DIAPH2: variants seen among roughly 807,000 people sequenced by gnomAD.
The protein encoded by DIAPH2 is diaphanous related formin 2, also known as protein diaphanous homolog 2.
Under a neutral mutation model 92.7 loss-of-function variants are expected in DIAPH2, and 35 were observed. The ratio of observed to expected loss-of-function variants is 0.38; its 90% confidence interval spans 0.29 to 0.50. The LOEUF is 0.50. Among genes scored for constraint, DIAPH2 ranks in the 20% least tolerant of loss-of-function variants. DIAPH2 has a pLI of 0.94. For missense variants in DIAPH2, 701 were observed against 819.5 expected (o/e 0.86, Z 1.77); for synonymous variants, 301 against 280.4 (o/e 1.07, Z -0.73).
intron 12 of DIAPH2, among the ~76,000 whole-genome samples, chrX:96,939,601 TACACACACACACACATATACAC>T (rs1172978734): frequency 3.2e-5 from 2 of 62,219 alleles, no homozygotes; most frequent in African/African-American, 1.1e-4. Context: ...TGTGTGTATA[TACACACACACACACATATACAC>T]ACACACACAC....
intron 17 of DIAPH2, among the ~76,000 whole-genome samples, chrX:96,970,906 C>T (rs962709728): frequency 9.0e-6 from 1 of 111,519 alleles, no homozygotes; most frequent in Non-Finnish European, 1.9e-5. Flanking sequence ...ACTGCTTTTG[C>T]TGCATCCTCA....
intron 4 of DIAPH2, among the ~76,000 whole-genome samples, chrX:96,787,734 AGACTG>A (rs1363075245): frequency 1.1e-5 from 1 of 89,686 alleles, no homozygotes; most frequent in Non-Finnish European, 2.1e-5. Flanking sequence ...TCTGTCCCTC[AGACTG>A]GAGTACAGTG....
chrX:97,141,138 A>AT (rs141869977), intron 21 of DIAPH2, among the ~76,000 whole-genome samples: 46,214 of 108,729 alleles, frequency 0.43, 8,331 homozygotes, highest in Non-Finnish European at 0.56. Context: ...GTATGGTGAG[A>AT]TTTTTTTTAA....
intron 12 of DIAPH2, 116 bp downstream of exon 12, chrX:96,939,498 ATG>A (rs758864967): frequency 6.4e-4 from 38 of 59,475 alleles, no homozygotes; most frequent in African/African-American, 1.9e-3. Flanking sequence ...GTATATATAT[ATG>A]TATATATATA....
chrX:96,870,437 ATTTTTTTTT>A (rs10600564), intron 4 of DIAPH2, among the ~76,000 whole-genome samples: 1 of 79,691 alleles, frequency 1.3e-5, no homozygotes, highest in Non-Finnish European at 2.5e-5. Flanking sequence ...AATTTTTTGT[ATTTTTTTTT>A]TTTTTTTTTT....
chrX:97,053,670 T>A (rs2066536416), intron 17 of DIAPH2, among the ~76,000 whole-genome samples: 1 of 111,627 alleles, frequency 9.0e-6, no homozygotes, highest in Non-Finnish European at 1.9e-5. Flanking sequence ...CTATGTTCTG[T>A]CGATAGTTCA....
intron 17 of DIAPH2, among the ~76,000 whole-genome samples, chrX:97,033,314 T>G (rs1245333215): frequency 1.8e-5 from 2 of 111,447 alleles, no homozygotes; most frequent in Non-Finnish European, 3.8e-5. Context: ...ACATTCACAG[T>G]GTACTTTTTT....
At chrX:96,839,297 C>G (rs2064920250) in intron 4 of DIAPH2, among the ~76,000 whole-genome samples, 1 of 111,034 alleles carries the variant, frequency 9.0e-6, no homozygotes. Flanking sequence ...ACCATTCCCC[C>G]CATTGCGCTT....
chrX:96,787,553 A>G (rs2064466078), intron 4 of DIAPH2, among the ~76,000 whole-genome samples: 1 of 111,085 alleles, frequency 9.0e-6, no homozygotes, highest in South Asian at 3.8e-4. Context: ...AACTAAACAT[A>G]TCTTTCAATG....
chrX:97,078,818 C>T (rs1429158922), intron 19 of DIAPH2, among the ~76,000 whole-genome samples: 1 of 110,903 alleles, frequency 9.0e-6, no homozygotes, highest in Non-Finnish European at 1.9e-5. Flanking sequence ...AAGAAGTGTT[C>T]TAGACTTTGA....
intron 17 of DIAPH2, among the ~76,000 whole-genome samples, chrX:97,047,542 C>CTTTTTTTTTTTTTTTTTTTTT (rs5903064): frequency 3.3e-5 from 1 of 30,101 alleles, no homozygotes; most frequent in African/African-American, 1.6e-4. Context: ...ATAAAATAGG[C>CTTTTTTTTTTTTTTTTTTTTT]TTTTTTTTTT....
intron 17 of DIAPH2, among the ~76,000 whole-genome samples, chrX:96,975,997 T>C (rs1422781615): frequency 3.0e-5 from 3 of 100,041 alleles, no homozygotes; most frequent in Non-Finnish European, 4.0e-5. Flanking sequence ...CCCTCCCTCC[T>C]TCCCTCTCTC....
At chrX:97,228,141 TC>T (rs1364794778) in intron 22 of DIAPH2, among the ~76,000 whole-genome samples, 1 of 111,322 alleles carries the variant, frequency 9.0e-6, no homozygotes, top group African/African-American at 3.3e-5. Flanking sequence ...GCTCAAGCGA[TC>T]CCCCCGCCTC....
chrX:97,293,312 ACAAT>A, intron 23 of DIAPH2, among the ~76,000 whole-genome samples: 1 of 92,256 alleles, frequency 1.1e-5, no homozygotes, highest in African/African-American at 4.4e-5. Flanking sequence ...GTGCAGTGGC[ACAAT>A]ATCTTGGCTC....
chrX:97,345,692 C>G (rs1312715176), intron 23 of DIAPH2, among the ~76,000 whole-genome samples: 2 of 111,793 alleles, frequency 1.8e-5, no homozygotes, highest in Non-Finnish European at 3.8e-5. Context: ...AGAAATTTTA[C>G]TTCTGTGATC....
chrX:97,260,744 C>T (rs943960541), intron 23 of DIAPH2, among the ~76,000 whole-genome samples: 5 of 111,692 alleles, frequency 4.5e-5, no homozygotes, highest in African/African-American at 1.6e-4. Context: ...TGTCAGATTC[C>T]GTGGAAAACC....
intron 16 of DIAPH2, 147 bp from the exon 17 acceptor site, chrX:96,964,946 A>T: frequency 2.1e-6 from 1 of 480,954 alleles, no homozygotes; most frequent in Non-Finnish European, 3.0e-6. Context: ...TATTTACTTT[A>T]TAAGTATTAT....
At chrX:96,876,002 G>C (rs2065175933) in intron 4 of DIAPH2, among the ~76,000 whole-genome samples, 1 of 111,453 alleles carries the variant, frequency 9.0e-6, no homozygotes, top group Non-Finnish European at 1.9e-5. Flanking sequence ...GAAAATTTTT[G>C]CAATCTGCTC....
chrX:97,580,349 A>G (rs1641402325), intron 26 of DIAPH2, among the ~76,000 whole-genome samples: 2 of 98,365 alleles, frequency 2.0e-5, no homozygotes, highest in African/African-American at 7.5e-5. Context: ...TCCCATCAAT[A>G]CCTAATTTAT....
Sources: gnomAD v4.1 joint callset for allele counts (sites outside exome capture counted in the v4.1 genomes callset) on GRCh38, gnomAD v4.1.1 for gene constraint, MANE v1.5 for transcripts, NCBI Gene and HGNC (gene_info 2026-07-23, HGNC 2026-07-21) for gene names.